ANKMY1: variants seen among roughly 807,000 people sequenced by gnomAD.
ANKMY1 encodes the protein ankyrin repeat and MYND domain containing 1, also known as ankyrin repeat and MYND domain-containing protein 1.
In ANKMY1, 98 loss-of-function variants were observed where a neutral mutation model predicts 102.0. The observed-to-expected ratio is 0.96, with a 90% CI of 0.82 to 1.14. The LOEUF is 1.14. Ranked by LOEUF, ANKMY1 falls within the 50% of genes most tolerant of loss-of-function variation. The pLI is 0.00. For synonymous variants in ANKMY1, 582 were observed against 559.9 expected (o/e 1.04, Z -0.56); for missense variants, 1,330 against 1,347.6 (o/e 0.99, Z 0.20).
intron 3 of ANKMY1, chr2:240,553,452 CCTGGAAGGCTGGCT>C (rs1180297255): frequency 7.3e-4 from 166 of 228,876 alleles, no homozygotes; most frequent in African/African-American, 3.6e-3. Flanking sequence ...ACAGGCTGGC[CCTGGAAGGCTGGCT>C]GTAGGCCCCA....
At chr2:240,508,963 T>TAGTC (rs2079588785) in intron 12 of ANKMY1, among the ~76,000 whole-genome samples, 2 of 150,800 alleles carry the variant, frequency 1.3e-5, no homozygotes, top group African/African-American at 4.9e-5. Flanking sequence ...GATACATGAG[T>TAGTC]GACTGGTTAA....
intron 4 of ANKMY1, among the ~76,000 whole-genome samples, chr2:240,549,030 G>T (rs1192023559): frequency 6.6e-6 from 1 of 151,744 alleles, no homozygotes; most frequent in African/African-American, 2.4e-5. Flanking sequence ...AGTTCATATG[G>T]AATCAAAAAA....
chr2:240,521,617 G>GCCTC (rs1471235252), intron 8 of ANKMY1, among the ~76,000 whole-genome samples: 1 of 142,662 alleles, frequency 7.0e-6, no homozygotes, highest in African/African-American at 2.6e-5. Flanking sequence ...TCCTGCCTCA[G>GCCTC]CCTCCCAAGT....
intron 8 of ANKMY1, chr2:240,523,575 T>G (rs2082736240): frequency 2.3e-6 from 1 of 428,700 alleles, no homozygotes; most frequent in African/African-American, 2.0e-5. Flanking sequence ...TGGCCCCTGC[T>G]GAGGCTCCCA....
At chr2:240,480,671 C>T (rs1296134642) in intron 17 of ANKMY1, among the ~76,000 whole-genome samples, 1 of 152,164 alleles carries the variant, frequency 6.6e-6, no homozygotes, top group Non-Finnish European at 1.5e-5. Context: ...CCCAGGGGTC[C>T]ATGTTCCAGC....
At chr2:240,503,433 C>G (rs528745783) in intron 13 of ANKMY1, among the ~76,000 whole-genome samples, 1 of 152,350 alleles carries the variant, frequency 6.6e-6, no homozygotes, top group South Asian at 2.1e-4. Flanking sequence ...GCAGCCCCTT[C>G]CTTGGCCGTT....
chr2:240,474,670 G>A (rs1333304621), downstream of ANKMY1, among the ~76,000 whole-genome samples: 1 of 152,146 alleles, frequency 6.6e-6, no homozygotes, highest in Non-Finnish European at 1.5e-5. Flanking sequence ...AGAACATGTG[G>A]TATTTAGTTT....
Position 240,520,409 on chromosome 2 carries a change from GC to G in ANKMY1, c.1956del (p.Arg652SerfsTer18). 6.2e-7 allele frequency: 1 copy of G among 1,604,572 alleles called. No individual in the cohort carries two copies. The highest frequency in any genetic ancestry group is 8.5e-7 in the Non-Finnish European group (1 of 1,175,800). ...GTCCTCGCCCCGTGCTCCAGCAGCA[GC>G]CTCACCCCATCCACGTCCCCGGCCT... ...AVKAGDVDGV[R>X]LLLEHGARTD... On this transcript the variant is annotated frameshift_variant, in exon 9 of 18. Coordinates refer to ENST00000401804, the MANE Select transcript of ANKMY1 (RefSeq NM_001282771.3). LOFTEE classifies it high-confidence loss of function. This position sits in a 1 kb window ranked among gnomAD's most constrained non-coding sequence, Gnocchi z 4.8.
chr2:240,544,866 G>A (rs1164120271), intron 4 of ANKMY1, among the ~76,000 whole-genome samples: 2 of 152,200 alleles, frequency 1.3e-5, no homozygotes. Context: ...CTACGCCCAC[G>A]GAGTCTCGCT....
At chr2:240,507,436 A>T (rs1475404268) in intron 13 of ANKMY1, 124 bp downstream of exon 13, 1 of 889,914 alleles carries the variant, frequency 1.1e-6, no homozygotes, top group African/African-American at 3.0e-5. Context: ...TATACCCCTC[A>T]CCCAGGGCCA....
intron 3 of ANKMY1, chr2:240,553,897 G>GA (rs527623299): frequency 0.03 from 4,329 of 144,934 alleles, 97 homozygotes; most frequent in Middle Eastern, 0.15. Context: ...ATTCCATCTC[G>GA]AAAAAAAAAA....
At chr2:240,521,681 G>T (rs1258421482) in intron 8 of ANKMY1, among the ~76,000 whole-genome samples, 1 of 151,876 alleles carries the variant, frequency 6.6e-6, no homozygotes, top group Non-Finnish European at 1.5e-5. Flanking sequence ...TGTATTTTTA[G>T]TAGAGACGGG....
chr2:240,529,911 G>A lies in ANKMY1; in HGVS notation c.481-402C>T, dbSNP rs900059589. Among the ~76,000 whole-genome samples, 15 of 152,050 alleles carry A rather than the reference G, an allele frequency of 9.9e-5. No individual in the cohort carries two copies. Among genetic ancestry groups the A allele is most frequent in the African/African-American group, 3.6e-4 (15 of 41,396 alleles). On this transcript the variant is annotated intron_variant, in intron 4 of 17. Coordinates refer to ENST00000401804, the MANE Select transcript of ANKMY1 (RefSeq NM_001282771.3). This position sits in a 1 kb window ranked among gnomAD's most constrained non-coding sequence, Gnocchi z 4.2. ...GAGGAAGTATGCAGGCAGCAGGTCA[G>A]GTATGACCCAACAAGGGGCAGGAGA...
chr2:240,526,738 G>A, intron 5 of ANKMY1: 1 of 1,328,874 alleles, frequency 7.5e-7, no homozygotes, highest in Non-Finnish European at 9.7e-7. Context: ...TGATTCATCT[G>A]GGTGTTTGCT....
rs141877484 is a variant in ANKMY1 at position 240,509,355 on chromosome 2, T to C, written c.2387A>G (p.Asn796Ser). ...GGTACAGAACATGCTCACCAGCTCA[T>C]TCCCACTGGCAATGGACAGGGAGAG... ...SPLSLSIASG[N>S]ELVVKELLTQ... Residue 796 changes from asparagine (N) to serine (S), a missense_variant, in exon 12 of 18, where the codon AAT becomes AGT. Coordinates refer to ENST00000401804, the MANE Select transcript of ANKMY1 (RefSeq NM_001282771.3). 8.1e-6 allele frequency: 13 copies of C among 1,612,626 alleles called. No individual in the cohort carries two copies. In the African/African-American group the frequency reaches 1.3e-4, roughly 17 times the overall value.
intron 15 of ANKMY1, among the ~76,000 whole-genome samples, chr2:240,496,373 TAGATAGATAG>T (rs2077262808): frequency 6.7e-6 from 1 of 149,354 alleles, no homozygotes; most frequent in Non-Finnish European, 1.5e-5. Flanking sequence ...GATAGATAGA[TAGATAGATAG>T]ATAGATAGAT....
At chr2:240,528,297 C>CG (rs1181821540) in intron 5 of ANKMY1, among the ~76,000 whole-genome samples, 1 of 134,454 alleles carries the variant, frequency 7.4e-6, no homozygotes, top group Non-Finnish European at 1.7e-5. Flanking sequence ...GCCCCCACCC[C>CG]CCCCCCAAAA....
chr2:240,472,238 C>T, the ANKMY1 span, among the ~76,000 whole-genome samples: 31 of 124,726 alleles, frequency 2.5e-4, no homozygotes, highest in South Asian at 4.8e-4. Context: ...CGGCCGCACG[C>T]GGGGAGGCAG....
chr2:240,473,106 A>G, the ANKMY1 span, among the ~76,000 whole-genome samples: 3 of 147,260 alleles, frequency 2.0e-5, no homozygotes, highest in Non-Finnish European at 4.5e-5. Context: ...CCTGGGCGAC[A>G]AGAGTGAAAC....
Sources: allele counts gnomAD v4.1 joint callset (sites outside exome capture counted in the v4.1 genomes callset), GRCh38; gene constraint gnomAD v4.1.1; non-coding constraint Gnocchi (gnomAD v3.1); transcripts MANE v1.5; gene names NCBI Gene and HGNC (gene_info 2026-07-23, HGNC 2026-07-21).